Variants in FOCAD observed in about 807,000 individuals in gnomAD.
FOCAD encodes the protein KIAA1797.
A neutral mutation model predicts 225.6 loss-of-function variants in FOCAD; 198 were observed. That is an observed-to-expected ratio of 0.88 (90% CI 0.78 to 0.99). FOCAD has a LOEUF of 0.99. Ranked by LOEUF, FOCAD falls within the 50% of genes least tolerant of loss-of-function variation. The probability of loss-of-function intolerance (pLI) is 0.00; values close to 1 mark genes in which losing one functional copy is unlikely to be tolerated. For synonymous variants in FOCAD, 897 were observed against 755.0 expected, an observed-to-expected ratio of 1.19 and a Z score of -3.08; for missense variants, 2,713 against 2,123.6, an observed-to-expected ratio of 1.28 and a Z score of -5.46.
chr9:20,739,914 G>T (rs939312277), intron 4 of FOCAD, among the ~76,000 whole-genome samples: 2 of 152,028 alleles, frequency 1.3e-5, no homozygotes, highest in African/African-American at 4.8e-5. Context: ...GAAATATTTG[G>T]TCATTCGGTG....
Position 20,715,349 on chromosome 9 carries a change from C to G in FOCAD, c.-5C>G. 1 of 1,515,502 alleles carries G rather than the reference C, an allele frequency of 6.6e-7. No homozygotes were observed. Among genetic ancestry groups the G allele is most frequent in the Non-Finnish European group, 8.9e-7 (1 of 1,123,974 alleles). 93.9% of individuals were successfully genotyped at this position (1,515,502 alleles called of 1,614,324 possible). A position where few individuals can be genotyped will look rare whatever the true frequency, so the allele number is the denominator to read the frequency against. On this transcript the variant is annotated 5_prime_UTR_variant, in exon 2 of 44. Coordinates refer to ENST00000338382, the MANE Select transcript of FOCAD (RefSeq NM_001375567.1). Reference sequence around the variant, plus strand: ...GCTGCACACATACATGTAAGAGAAGCAAAAATGTCAGATGATATCAGGAAA... The same window carrying G: ...GCTGCACACATACATGTAAGAGAAGGAAAAATGTCAGATGATATCAGGAAA...
intron 29 of FOCAD, among the ~76,000 whole-genome samples, chr9:20,945,359 A>G (rs1234342675): frequency 6.6e-6 from 1 of 152,172 alleles, no homozygotes; most frequent in African/African-American, 2.4e-5. Flanking sequence ...TGCCCAGGTG[A>G]AGCTGGACCG....
At chr9:20,918,550 C>T (rs1213331159) in intron 24 of FOCAD, among the ~76,000 whole-genome samples, 1 of 151,916 alleles carries the variant, frequency 6.6e-6, no homozygotes, top group East Asian at 1.9e-4. Context: ...GGTGAAACCC[C>T]GTCTCTACTA....
At chr9:20,907,434 A>G (rs1387501783) in intron 22 of FOCAD, among the ~76,000 whole-genome samples, 192 bp downstream of exon 22, 1 of 151,910 alleles carries the variant, frequency 6.6e-6, no homozygotes, top group Non-Finnish European at 1.5e-5. Flanking sequence ...ATGCCCCCCA[A>G]ATCCATGTGT....
intron 37 of FOCAD, among the ~76,000 whole-genome samples, chr9:20,979,688 G>A (rs1161385924): frequency 4.3e-4 from 65 of 151,960 alleles, no homozygotes; most frequent in Non-Finnish European, 1.5e-5. Context: ...GTCTTTAATT[G>A]AAAGTGGATG....
At chr9:20,930,217 G>A (rs911695753) in intron 27 of FOCAD, among the ~76,000 whole-genome samples, 8 of 152,052 alleles carry the variant, frequency 5.3e-5, no homozygotes, top group Non-Finnish European at 7.4e-5. Context: ...TGGAGCTAAT[G>A]GAATAGACTC....
chr9:20,765,091 C>T lies in FOCAD; in HGVS notation c.699+18C>T, dbSNP rs766074654. 7 of 1,600,106 alleles carry T rather than the reference C, an allele frequency of 4.4e-6. No homozygotes were observed. The highest frequency in any genetic ancestry group is 1.1e-5 in the South Asian group (1 of 88,954). On this transcript the variant is annotated intron_variant, in intron 7 of 43. Coordinates refer to ENST00000338382, the MANE Select transcript of FOCAD (RefSeq NM_001375567.1). ...GTTTGCAGGTAAGGTCTTTGTCCTCCTCCACAAATATAGGTCAGCATCAGT... is the reference window on the plus strand; with the variant it reads ...GTTTGCAGGTAAGGTCTTTGTCCTCTTCCACAAATATAGGTCAGCATCAGT...
chr9:20,883,382 T>G (rs1213376334), intron 20 of FOCAD, among the ~76,000 whole-genome samples: 1 of 152,170 alleles, frequency 6.6e-6, no homozygotes, highest in East Asian at 1.9e-4. Context: ...TCACAAAATA[T>G]CTGAACAATC....
intron 26 of FOCAD, among the ~76,000 whole-genome samples, chr9:20,927,470 G>A (rs372302166): frequency 6.6e-6 from 1 of 151,338 alleles, no homozygotes; most frequent in Non-Finnish European, 1.5e-5. Context: ...TATACTTTAT[G>A]TAAAAAGTTT....
At chr9:20,793,153 G>C (rs1326179949) in intron 11 of FOCAD, among the ~76,000 whole-genome samples, 1 of 152,162 alleles carries the variant, frequency 6.6e-6, no homozygotes, top group East Asian at 1.9e-4. Context: ...TGATAGATAA[G>C]AAGTAGTGTA....
chr9:20,715,523 A>G, intron 2 of FOCAD, 113 bp downstream of exon 2: 1 of 436,284 alleles, frequency 2.3e-6, no homozygotes, highest in East Asian at 4.2e-5. Flanking sequence ...GTAGAGATTT[A>G]TATTTTGTGA....
chr9:20,663,510 C>T (rs1214331423), intron 2 of FOCAD, among the ~76,000 whole-genome samples: 1 of 150,006 alleles, frequency 6.7e-6, no homozygotes, highest in East Asian at 2.0e-4. Flanking sequence ...CACACACATA[C>T]ACACAGTTTA....
At chr9:20,793,455 C>T (rs911343182) in intron 11 of FOCAD, among the ~76,000 whole-genome samples, 2 of 152,090 alleles carry the variant, frequency 1.3e-5, no homozygotes, top group Non-Finnish European at 2.9e-5. Flanking sequence ...CTTGGCATTC[C>T]TGGGCGTTAG....
intron 7 of FOCAD, among the ~76,000 whole-genome samples, chr9:20,768,262 T>A (rs1830232733): frequency 6.6e-6 from 1 of 150,784 alleles, no homozygotes; most frequent in African/African-American, 2.4e-5. Context: ...GGTAGTGTGA[T>A]GCCTCCAGCT....
intron 1 of FOCAD, among the ~76,000 whole-genome samples, chr9:20,707,501 G>T (rs1291605401): frequency 6.6e-6 from 1 of 152,064 alleles, no homozygotes; most frequent in African/African-American, 2.4e-5. Flanking sequence ...ACTACCAATA[G>T]TCTTATGGAT....
chr9:20,755,890 C>T (rs1052037475), intron 5 of FOCAD, among the ~76,000 whole-genome samples: 4 of 152,028 alleles, frequency 2.6e-5, no homozygotes, highest in African/African-American at 2.4e-5. Context: ...AAATCCCTGG[C>T]CTCCAGCAAT....
In FOCAD at chr9:20,720,375, T is replaced by A; in HGVS notation, c.133-5T>A. The stretch of plus-strand genomic sequence containing the variant: ...ATTGTCTTCTAATCACTGGTTTGGT[T>A]TCAGACTCCTGCTTTGAACTTGCTG... On this transcript the variant is annotated splice_polypyrimidine_tract_variant and splice_region_variant and intron_variant, in intron 3 of 43. Transcript: ENST00000338382. 3.1e-6 allele frequency: 5 copies of A among 1,613,740 alleles called. No individual in the cohort carries two copies. The highest frequency in any genetic ancestry group is 4.2e-6 in the Non-Finnish European group (5 of 1,179,762).
At chr9:20,989,548 A>G (rs1314642513) in intron 41 of FOCAD, among the ~76,000 whole-genome samples, 2 of 152,130 alleles carry the variant, frequency 1.3e-5, no homozygotes, top group Non-Finnish European at 2.9e-5. Context: ...GCTGGGCACA[A>G]TGGCACATGT....
At chr9:20,941,029 T>G (rs1477763344) in intron 28 of FOCAD, among the ~76,000 whole-genome samples, 2 of 152,160 alleles carry the variant, frequency 1.3e-5, no homozygotes, top group African/African-American at 4.8e-5. Context: ...GACTCATGAT[T>G]TAAAGTATTC....
Sources: gnomAD v4.1 joint callset for allele counts (sites outside exome capture counted in the v4.1 genomes callset) on GRCh38, gnomAD v4.1.1 for gene constraint, MANE v1.5 for transcripts, NCBI Gene and HGNC (gene_info 2026-07-23, HGNC 2026-07-21) for gene names.